The following PEPD variants were observed in gnomAD, a reference collection of about 807,000 sequenced individuals.
The protein encoded by PEPD is xaa-Pro dipeptidase.
In PEPD, 53 loss-of-function variants were observed where a neutral mutation model predicts 60.7. The observed-to-expected ratio is 0.87, with a 90% CI of 0.70 to 1.10. The LOEUF is 1.10. PEPD is among the 50% of genes least tolerant of loss of function. The pLI is 0.00. For synonymous variants in PEPD, 267 were observed against 284.1 expected, an observed-to-expected ratio of 0.94 and a Z score of 0.60; for missense variants, 711 against 711.9, an observed-to-expected ratio of 1.00 and a Z score of 0.01.
rs543811754 is a variant in PEPD at position 33,408,212 on chromosome 19, C to T, written c.818+3460G>A. On this transcript the variant is annotated intron_variant, in intron 11 of 14. Coordinates refer to ENST00000244137, the MANE Select transcript of PEPD (RefSeq NM_000285.4). ...GACACGGAACAGGACAACCAGGGGACGGGAGCTGTCTGAGAATAAACCAGG... is the reference window on the plus strand; with the variant it reads ...GACACGGAACAGGACAACCAGGGGATGGGAGCTGTCTGAGAATAAACCAGG... Among the ~76,000 whole-genome samples, 122 of 152,328 alleles carry T rather than the reference C, an allele frequency of 8.0e-4. 2 individuals carry two copies. The highest frequency in any genetic ancestry group is 3.4e-3 in the Middle Eastern group (1 of 294).
chr19:33,521,768 C>G lies in PEPD; in HGVS notation c.-8G>C. 5.1e-6 allele frequency: 8 copies of G among 1,569,892 alleles called. No homozygotes were observed. The highest frequency in any genetic ancestry group is 1.2e-5 in the South Asian group (1 of 86,414). On this transcript the variant is annotated 5_prime_UTR_variant, in exon 1 of 15. Transcript: ENST00000244137. ...CCCGGTGGCCGCCGCCATGTTCGCC[C>G]GGCACCGGCGTCACGTGAAGTGCGG... is the stretch of plus-strand genomic sequence containing the variant.
intron 9 of PEPD, among the ~76,000 whole-genome samples, chr19:33,425,777 T>C (rs971202566): frequency 5.3e-5 from 8 of 152,196 alleles, no homozygotes; most frequent in Admixed American, 2.6e-4. Context: ...GGGTGTCTCA[T>C]GGAATGACTA....
At chr19:33,508,090 C>A (rs1224291694) in intron 3 of PEPD, among the ~76,000 whole-genome samples, 2 of 152,132 alleles carry the variant, frequency 1.3e-5, no homozygotes, top group Non-Finnish European at 2.9e-5. Flanking sequence ...ATCAGACCCT[C>A]CCTGAAGCTG....
intron 6 of PEPD, among the ~76,000 whole-genome samples, chr19:33,485,217 G>C (rs1970374777): frequency 6.6e-6 from 1 of 151,914 alleles, no homozygotes. Flanking sequence ...ATCCTGGCTG[G>C]GCGCGCTGAC....
At chr19:33,406,726 C>G (rs2145355829) in intron 11 of PEPD, among the ~76,000 whole-genome samples, 1 of 152,332 alleles carries the variant, frequency 6.6e-6, no homozygotes, top group East Asian at 1.9e-4. Flanking sequence ...GCTGAGTAGA[C>G]AGCAGGAGTA....
intron 9 of PEPD, among the ~76,000 whole-genome samples, chr19:33,444,783 C>T (rs1170542036): frequency 6.6e-6 from 1 of 152,074 alleles, no homozygotes; most frequent in Non-Finnish European, 1.5e-5. Flanking sequence ...TGGCCCACTC[C>T]TCTCTTACCC....
At chr19:33,424,370 G>A (rs73588214) in intron 9 of PEPD, among the ~76,000 whole-genome samples, 12,442 of 152,332 alleles carry the variant, frequency 0.082, 552 homozygotes, top group Middle Eastern at 0.11. Context: ...TTGAGCCAGC[G>A]AGGGAGCTCC....
intron 9 of PEPD, among the ~76,000 whole-genome samples, chr19:33,432,281 A>G (rs1223203622): frequency 1.3e-5 from 2 of 152,176 alleles, no homozygotes; most frequent in Non-Finnish European, 2.9e-5. Flanking sequence ...CTGGAATCAG[A>G]TTCTTTGGCA....
chr19:33,473,884 CAAA>C (rs978489062), intron 7 of PEPD, among the ~76,000 whole-genome samples: 1 of 152,132 alleles, frequency 6.6e-6, no homozygotes, highest in Admixed American at 6.5e-5. Flanking sequence ...TACAGGCAAT[CAAA>C]AAGGCGCTCC....
At chr19:33,401,131 G>A (rs1448288792) in intron 12 of PEPD, among the ~76,000 whole-genome samples, 1 of 151,640 alleles carries the variant, frequency 6.6e-6, no homozygotes, top group Non-Finnish European at 1.5e-5. Flanking sequence ...GCCGCTGGGA[G>A]AGAGAAACAC....
intron 1 of PEPD, among the ~76,000 whole-genome samples, chr19:33,520,664 C>G (rs1249735619): frequency 6.6e-6 from 1 of 152,204 alleles, no homozygotes; most frequent in African/African-American, 2.4e-5. Context: ...TTAGAACCCA[C>G]TTTCTGTTGC....
chr19:33,513,007 A>AC (rs1295822655), intron 1 of PEPD, among the ~76,000 whole-genome samples: 3 of 125,088 alleles, frequency 2.4e-5, no homozygotes, highest in Non-Finnish European at 5.1e-5. Flanking sequence ...TCCTGACTCC[A>AC]CCCCCCTGCT....
At chr19:33,399,071 C>A (rs1233956501) in intron 12 of PEPD, among the ~76,000 whole-genome samples, 1 of 152,170 alleles carries the variant, frequency 6.6e-6, no homozygotes, top group Non-Finnish European at 1.5e-5. Flanking sequence ...GCAACCTCCG[C>A]CTCCTAGGTT....
intron 8 of PEPD, 67 bp from the exon 9 acceptor site, chr19:33,463,108 C>G: frequency 1.1e-6 from 1 of 936,026 alleles, no homozygotes; most frequent in Non-Finnish European, 1.8e-6. Context: ...TGATAAATAA[C>G]ATACAGCACT....
At chr19:33,446,411 C>T (rs545704751) in intron 9 of PEPD, among the ~76,000 whole-genome samples, 2 of 152,342 alleles carry the variant, frequency 1.3e-5, no homozygotes, top group East Asian at 1.9e-4. Context: ...GCATCCTCAC[C>T]GGACGGGTCA....
intron 7 of PEPD, among the ~76,000 whole-genome samples, chr19:33,468,929 T>C (rs964173600): frequency 6.6e-6 from 1 of 152,046 alleles, no homozygotes; most frequent in African/African-American, 2.4e-5. Flanking sequence ...AGGGTGACAG[T>C]TCAGAGCCAT....
intron 1 of PEPD, among the ~76,000 whole-genome samples, chr19:33,516,694 G>T (rs1971029233): frequency 1.3e-5 from 2 of 151,924 alleles, no homozygotes; most frequent in African/African-American, 4.8e-5. Flanking sequence ...TCAAATTCAG[G>T]GGCTCCATCT....
At chr19:33,444,545 C>A (rs954053010) in intron 9 of PEPD, among the ~76,000 whole-genome samples, 3 of 150,158 alleles carry the variant, frequency 2.0e-5, no homozygotes, top group African/African-American at 7.4e-5. Flanking sequence ...TCCCCTTCCA[C>A]CCCCTGCATC....
At chr19:33,430,564 G>A (rs1323944824) in intron 9 of PEPD, among the ~76,000 whole-genome samples, 1 of 152,208 alleles carries the variant, frequency 6.6e-6, no homozygotes, top group Non-Finnish European at 1.5e-5. Flanking sequence ...AAGGTTTTGT[G>A]TGCCTCTGCA....
Sources: gnomAD v4.1 joint callset for allele counts (sites outside exome capture counted in the v4.1 genomes callset) on GRCh38, gnomAD v4.1.1 for gene constraint, MANE v1.5 for transcripts, NCBI Gene and HGNC (gene_info 2026-07-23, HGNC 2026-07-21) for gene names.